FMNL2: variants seen among roughly 807,000 people sequenced by gnomAD.
FMNL2 encodes the protein formin like 2, also known as formin-like protein 2.
A neutral mutation model predicts 130.2 loss-of-function variants in FMNL2; 51 were observed. That is an observed-to-expected ratio of 0.39 (90% CI 0.31 to 0.49). The LOEUF (loss-of-function observed/expected upper bound fraction) is 0.49, where lower values mean the gene tolerates loss of function less well. FMNL2 is among the 20% of genes least tolerant of loss of function. The pLI is 0.85. For synonymous variants in FMNL2, 465 were observed against 467.1 expected, an observed-to-expected ratio of 1.00 and a Z score of 0.06; for missense variants, 977 against 1,316.2, an observed-to-expected ratio of 0.74 and a Z score of 3.99.
At chr2:152,646,384 A>G (rs975218153) in intron 25 of FMNL2, among the ~76,000 whole-genome samples, 2 of 151,880 alleles carry the variant, frequency 1.3e-5, no homozygotes, top group Non-Finnish European at 2.9e-5. Flanking sequence ...ACAAATTCCA[A>G]TGAGTCAAGG....
chr2:152,592,340 G>T (rs1437713155), intron 9 of FMNL2, among the ~76,000 whole-genome samples: 3 of 152,132 alleles, frequency 2.0e-5, no homozygotes, highest in African/African-American at 7.2e-5. Flanking sequence ...TATTGAGCTT[G>T]ACTCTCTATG....
rs1255056887 is a variant in FMNL2, at chr2:152,649,039, G to C, written c.*1134G>C. ...TTCCAAAGTCAAAAACTGGACTGAA[G>C]CTAAATTTGTACTTTTCATAATATA... On this transcript the variant is annotated 3_prime_UTR_variant, in exon 26 of 26. Coordinates refer to ENST00000288670, the MANE Select transcript of FMNL2 (RefSeq NM_052905.4). The C allele has an allele frequency of 6.6e-6, 1 of 152,612 alleles. No individual in the cohort carries two copies. Among genetic ancestry groups the C allele is most frequent in the South Asian group, 2.1e-4 (1 of 4,828 alleles). 9.5% of individuals were successfully genotyped at this position (152,612 alleles called of 1,614,324 possible).
At chr2:152,458,758 G>T (rs146316228) in intron 1 of FMNL2, among the ~76,000 whole-genome samples, 1 of 152,170 alleles carries the variant, frequency 6.6e-6, no homozygotes, top group African/African-American at 2.4e-5. Context: ...GATGCTGTGC[G>T]GGAAACTCCT....
intron 1 of FMNL2, among the ~76,000 whole-genome samples, chr2:152,517,823 A>G (rs1052423018): frequency 1.3e-5 from 2 of 152,220 alleles, no homozygotes; most frequent in African/African-American, 2.4e-5. Context: ...AGATGCCTAC[A>G]GTGCGGACAT....
chr2:152,399,727 T>C (rs1685583942), intron 1 of FMNL2, among the ~76,000 whole-genome samples: 1 of 152,174 alleles, frequency 6.6e-6, no homozygotes. Flanking sequence ...GGGGCAGAAT[T>C]TGTAAGGCTT....
chr2:152,526,121 C>T (rs1693372467), intron 2 of FMNL2, among the ~76,000 whole-genome samples: 2 of 152,002 alleles, frequency 1.3e-5, no homozygotes, highest in South Asian at 4.2e-4. Context: ...TTTTTGTGAG[C>T]CAGTTAAAGC....
At chr2:152,382,922 C>T (rs1684559248) in intron 1 of FMNL2, among the ~76,000 whole-genome samples, 1 of 152,140 alleles carries the variant, frequency 6.6e-6, no homozygotes, top group African/African-American at 2.4e-5. Context: ...CTGAGAATTC[C>T]TATCATCCAG....
chr2:152,342,664 C>T (rs1681878370), intron 1 of FMNL2, among the ~76,000 whole-genome samples: 1 of 152,206 alleles, frequency 6.6e-6, no homozygotes, highest in Non-Finnish European at 1.5e-5. Flanking sequence ...TGACCCCTTC[C>T]TCCTTTCCAG....
intron 22 of FMNL2, among the ~76,000 whole-genome samples, chr2:152,637,161 T>C (rs867499971): frequency 1.3e-5 from 2 of 152,172 alleles, no homozygotes; most frequent in East Asian, 3.8e-4. Flanking sequence ...ATAGGGAGTG[T>C]TGAAGCAAGG....
At chr2:152,349,275 T>C (rs1174233110) in intron 1 of FMNL2, among the ~76,000 whole-genome samples, 3 of 152,222 alleles carry the variant, frequency 2.0e-5, no homozygotes, top group African/African-American at 4.8e-5. Context: ...TGTAAACTAA[T>C]GATGTTTATG....
chr2:152,542,560 G>A (rs1694369856), intron 2 of FMNL2, among the ~76,000 whole-genome samples, 179 bp from the exon 3 acceptor site: 1 of 152,122 alleles, frequency 6.6e-6, no homozygotes, highest in Admixed American at 6.5e-5. Flanking sequence ...TTCCTCCTAT[G>A]CAAAGAGGGG....
intron 5 of FMNL2, 72 bp downstream of exon 5, chr2:152,558,895 A>G (rs1340292643): frequency 4.5e-6 from 6 of 1,339,572 alleles, no homozygotes; most frequent in African/African-American, 1.5e-5. Context: ...TGGTAAAATT[A>G]TACACCACAG....
intron 9 of FMNL2, among the ~76,000 whole-genome samples, chr2:152,594,062 A>G (rs1697624186): frequency 6.6e-6 from 1 of 152,198 alleles, no homozygotes; most frequent in Non-Finnish European, 1.5e-5. Flanking sequence ...AGAGACCAGC[A>G]CAGTACAAAG....
chr2:152,606,846 G>T lies in FMNL2; in HGVS notation c.877-493G>T, dbSNP rs141274340. 3.7e-3 allele frequency among the ~76,000 whole-genome samples: 561 copies of T among 151,652 alleles called. 4 individuals are homozygous for T. The highest frequency in any genetic ancestry group is 0.013 in the African/African-American group (542 of 41,408). ...TTAAATGGGTTAATATAGCTTCCACGGTGTCTATTTCTGTATTGTAGTTTA... is the reference window on the plus strand; with the variant it reads ...TTAAATGGGTTAATATAGCTTCCACTGTGTCTATTTCTGTATTGTAGTTTA... On this transcript the variant is annotated intron_variant, in intron 9 of 25. Coordinates refer to ENST00000288670, the MANE Select transcript of FMNL2 (RefSeq NM_052905.4).
intron 1 of FMNL2, among the ~76,000 whole-genome samples, chr2:152,503,361 G>C (rs1443088578): frequency 1.3e-5 from 2 of 152,108 alleles, no homozygotes; most frequent in African/African-American, 4.8e-5. Flanking sequence ...ACCTATTATA[G>C]GATTCTTGTT....
chr2:152,402,560 G>GT (rs1420675062), intron 1 of FMNL2, among the ~76,000 whole-genome samples: 5 of 152,234 alleles, frequency 3.3e-5, no homozygotes, highest in African/African-American at 1.2e-4. Context: ...AGACAGGAGA[G>GT]TGAGGGTAGG....
intron 23 of FMNL2, among the ~76,000 whole-genome samples, chr2:152,639,464 T>A (rs1322283292): frequency 6.6e-6 from 1 of 152,184 alleles, no homozygotes; most frequent in African/African-American, 2.4e-5. Flanking sequence ...ATCAGACTAG[T>A]CACACTGCCT....
intron 9 of FMNL2, among the ~76,000 whole-genome samples, chr2:152,589,610 AAGGTACAG>A (rs1349964012): frequency 1.6e-4 from 24 of 152,142 alleles, no homozygotes; most frequent in Non-Finnish European, 3.4e-4. Context: ...TGTCTGGTTT[AAGGTACAG>A]AAGGACACTA....
chr2:152,559,048 G>A (rs1229316660), intron 5 of FMNL2, among the ~76,000 whole-genome samples: 1 of 152,134 alleles, frequency 6.6e-6, no homozygotes, highest in Non-Finnish European at 1.5e-5. Context: ...ACTCTTAAAG[G>A]AGCCCTTATT....
Sources: allele counts gnomAD v4.1 joint callset (sites outside exome capture counted in the v4.1 genomes callset), GRCh38; gene constraint gnomAD v4.1.1; transcripts MANE v1.5; gene names NCBI Gene and HGNC (gene_info 2026-07-23, HGNC 2026-07-21).